The following LRBA variants were observed in gnomAD, a reference collection of about 807,000 sequenced individuals.
The protein encoded by LRBA is lipopolysaccharide-responsive and beige-like anchor protein.
Under a neutral mutation model 330.0 loss-of-function variants are expected in LRBA, and 176 were observed. The observed-to-expected ratio is 0.53, with a 90% confidence interval of 0.47 to 0.60. The LOEUF (loss-of-function observed/expected upper bound fraction) is 0.60. LRBA is among the 20% of genes least tolerant of loss of function. The pLI, the probability that LRBA is intolerant of heterozygous loss-of-function variation, is 0.00. For synonymous variants in LRBA, 1,230 were observed against 1,193.0 expected, an observed-to-expected ratio of 1.03 and a Z score of -0.64; for missense variants, 3,259 against 3,444.8, an observed-to-expected ratio of 0.95 and a Z score of 1.35.
intron 48 of LRBA, among the ~76,000 whole-genome samples, chr4:150,348,189 CA>C (rs1736665479): frequency 6.6e-6 from 1 of 152,004 alleles, no homozygotes; most frequent in South Asian, 2.1e-4. Context: ...GTGGTCAATC[CA>C]GAATAAAAAT....
chr4:150,453,981 T>G (rs1753720096), intron 44 of LRBA, among the ~76,000 whole-genome samples: 1 of 152,164 alleles, frequency 6.6e-6, no homozygotes, highest in Non-Finnish European at 1.5e-5. Context: ...TTTCTTTCTT[T>G]GAGACAGAGT....
At chr4:150,809,912 TAC>T (rs1743446835) in intron 31 of LRBA, among the ~76,000 whole-genome samples, 1 of 143,808 alleles carries the variant, frequency 7.0e-6, no homozygotes, top group East Asian at 2.0e-4. Context: ...TACGATACGA[TAC>T]GATACGATAC....
chr4:150,852,027 C>T lies in LRBA; in HGVS notation c.3683G>A (p.Cys1228Tyr). ...AGAAGCCTCAGAGACACTACCATGACAATCATTAATTAATTTGGTTTCTCT... is the reference window on the plus strand; with the variant it reads ...AGAAGCCTCAGAGACACTACCATGATAATCATTAATTAATTTGGTTTCTCT... ...LTRETKLIND[C>Y]HGSVSEASSE... Residue 1228 changes from cysteine (C) to tyrosine (Y), a missense_variant, in exon 23 of 57, where the codon TGT becomes TAT. Physicochemically the swap from Cys to Tyr is radical, Grantham distance 194 (BLOSUM62 -2). Coordinates refer to ENST00000651943, the MANE Select transcript of LRBA (RefSeq NM_001364905.1). 1 of 1,614,130 alleles carries T rather than the reference C, an allele frequency of 6.2e-7. No individual in the cohort carries two copies. The highest frequency in any genetic ancestry group is 8.5e-7 in the Non-Finnish European group (1 of 1,179,980).
chr4:150,597,971 C>T (rs929285939), intron 38 of LRBA, among the ~76,000 whole-genome samples: 2 of 152,092 alleles, frequency 1.3e-5, no homozygotes, highest in African/African-American at 4.8e-5. Flanking sequence ...ATATTGTGGA[C>T]ATTTTCTTCC....
chr4:150,615,326 A>T (rs1466997577), intron 37 of LRBA, among the ~76,000 whole-genome samples: 4 of 152,200 alleles, frequency 2.6e-5, no homozygotes, highest in African/African-American at 4.8e-5. Flanking sequence ...AATTGATGAG[A>T]CCTGACATGT....
chr4:150,930,301 C>T (rs911785647), intron 2 of LRBA, among the ~76,000 whole-genome samples: 9 of 142,938 alleles, frequency 6.3e-5, no homozygotes, highest in African/African-American at 7.7e-5. Context: ...GGCAACTGAG[C>T]GAGACTCCGT....
At chr4:150,559,712 AT>A (rs1421884939) in intron 40 of LRBA, among the ~76,000 whole-genome samples, 1 of 90,568 alleles carries the variant, frequency 1.1e-5, no homozygotes, top group Non-Finnish European at 2.0e-5. Flanking sequence ...ATTATATAAT[AT>A]TATAGATTAT....
chr4:150,588,004 A>G, intron 40 of LRBA, 44 bp downstream of exon 40: 3 of 1,594,462 alleles, frequency 1.9e-6, no homozygotes, highest in Non-Finnish European at 2.6e-6. Flanking sequence ...AACAGCACCC[A>G]CCATCCCATC....
At chr4:150,535,458 T>A (rs1764547710) in intron 40 of LRBA, among the ~76,000 whole-genome samples, 1 of 152,228 alleles carries the variant, frequency 6.6e-6, no homozygotes, top group African/African-American at 2.4e-5. Context: ...TTTAATTGTT[T>A]CACTCATTTT....
intron 44 of LRBA, among the ~76,000 whole-genome samples, chr4:150,451,810 A>AT (rs1165553409): frequency 6.6e-6 from 1 of 152,212 alleles, no homozygotes; most frequent in African/African-American, 2.4e-5. Flanking sequence ...TCAAGAATGA[A>AT]TGAAGGGACA....
intron 2 of LRBA, among the ~76,000 whole-genome samples, chr4:150,933,304 C>T (rs1263607128): frequency 1.3e-5 from 2 of 150,906 alleles, no homozygotes; most frequent in African/African-American, 4.9e-5. Context: ...ACAAGAATTG[C>T]TTGATCCCAG....
chr4:150,402,775 TTATC>T (rs1161484505), intron 47 of LRBA, among the ~76,000 whole-genome samples: 1 of 115,774 alleles, frequency 8.6e-6, no homozygotes, highest in African/African-American at 2.8e-5. Flanking sequence ...AAATATAGAA[TTATC>T]TATCTCTCTC....
intron 37 of LRBA, among the ~76,000 whole-genome samples, chr4:150,636,902 C>T (rs1039907668): frequency 5.9e-5 from 9 of 152,128 alleles, no homozygotes; most frequent in Admixed American, 5.2e-4. Context: ...TCCACCTCTG[C>T]CTCCCAAAAT....
intron 20 of LRBA, among the ~76,000 whole-genome samples, chr4:150,869,210 C>T (rs910741527): frequency 9.2e-5 from 14 of 151,978 alleles, no homozygotes; most frequent in Admixed American, 2.0e-4. Context: ...TGAGCCACCA[C>T]GGCCGGCCTA....
At chr4:150,514,714 T>A (rs1396280176) in intron 40 of LRBA, among the ~76,000 whole-genome samples, 1 of 152,204 alleles carries the variant, frequency 6.6e-6, no homozygotes, top group Admixed American at 6.5e-5. Flanking sequence ...AAATGTTACA[T>A]GAACCAGGAC....
At chr4:150,931,703 A>G (rs1021041943) in intron 2 of LRBA, among the ~76,000 whole-genome samples, 21 of 152,086 alleles carry the variant, frequency 1.4e-4, no homozygotes, top group African/African-American at 5.1e-4. Flanking sequence ...GGAGTTCAAG[A>G]CTAAAGTGAG....
intron 47 of LRBA, among the ~76,000 whole-genome samples, chr4:150,352,264 G>A (rs966971572): frequency 3.9e-5 from 6 of 152,082 alleles, no homozygotes; most frequent in East Asian, 1.9e-4. Context: ...GACAAAAGAC[G>A]TTCCTATTCC....
At chr4:150,900,875 T>C (rs910413053) in intron 13 of LRBA, among the ~76,000 whole-genome samples, 2 of 152,170 alleles carry the variant, frequency 1.3e-5, no homozygotes, top group African/African-American at 4.8e-5. Flanking sequence ...ACTAATCTCA[T>C]TGAAAGTAAA....
chr4:150,892,856 A>C (rs111434369), intron 17 of LRBA, among the ~76,000 whole-genome samples, 196 bp downstream of exon 17: 2 of 152,322 alleles, frequency 1.3e-5, no homozygotes, highest in African/African-American at 4.8e-5. Flanking sequence ...TCAAATAGTA[A>C]CAAATAGTAA....
Sources: allele counts gnomAD v4.1 joint callset (sites outside exome capture counted in the v4.1 genomes callset), GRCh38; gene constraint gnomAD v4.1.1; transcripts MANE v1.5; gene names NCBI Gene and HGNC (gene_info 2026-07-23, HGNC 2026-07-21).